The following CHRNA10 variants were observed in gnomAD, a reference collection of about 807,000 sequenced individuals.
CHRNA10 encodes cholinergic receptor nicotinic alpha 10 subunit.
A neutral mutation model predicts 36.0 loss-of-function variants in CHRNA10; 31 were observed. That is an observed-to-expected ratio of 0.86 (90% CI 0.65 to 1.16). CHRNA10 has a LOEUF of 1.16. Among genes scored for constraint, CHRNA10 ranks in the 50% most tolerant of loss-of-function variants. The pLI is 0.00. For missense variants in CHRNA10, 648 were observed against 640.9 expected (o/e 1.01, Z -0.12); for synonymous variants, 302 against 287.0 (o/e 1.05, Z -0.53).
chr11:3,667,325 C>T lies in CHRNA10; in HGVS notation c.802G>A (p.Val268Met). 3 of 1,599,976 alleles carry T rather than the reference C, an allele frequency of 1.9e-6. No homozygotes were observed. Among genetic ancestry groups the T allele is most frequent in the Non-Finnish European group, 2.5e-6 (3 of 1,178,198 alleles). The change falls in exon 4 of 5, where the codon GTG (valine) becomes ATG (methionine). Residue 268 changes from valine to methionine, a missense_variant. Coordinates refer to ENST00000250699, the MANE Select transcript of CHRNA10 (RefSeq NM_020402.4). ...AGCAGCACGGTGACGCCCAGCGACACCTTCTCGCCTGAGTCGGCAGGCAGG... is the reference window on the plus strand; with the variant it reads ...AGCAGCACGGTGACGCCCAGCGACATCTTCTCGCCTGAGTCGGCAGGCAGG... Reference protein sequence around the residue: ...FHLPADSGEKVSLGVTVLLAL... With the variant: ...FHLPADSGEKMSLGVTVLLAL...
At chr11:3,669,424 G>A (rs1359731835) in intron 2 of CHRNA10, 74 bp from the exon 3 acceptor site, 2 of 1,549,766 alleles carry the variant, frequency 1.3e-6, no homozygotes, top group Non-Finnish European at 1.8e-6. Context: ...ACACTCCCCT[G>A]CAGGGCTCTG....
intron 1 of CHRNA10, 72 bp from the exon 2 acceptor site, chr11:3,670,013 C>T: frequency 6.4e-7 from 1 of 1,561,594 alleles, no homozygotes; most frequent in Non-Finnish European, 8.8e-7. Context: ...CCCTCCACTC[C>T]CAGGGCTGGG....
Position 3,667,342 on chromosome 11 carries a change from G to T in CHRNA10, c.785C>A (p.Ala262Asp). The change falls in exon 4 of 5, where the codon GCC becomes GAC. Residue 262 changes from alanine (A) to aspartate (D), a missense_variant. By Grantham distance (126) the Ala-to-Asp change is moderately radical. Transcript: ENST00000250699. ...CAGCGACACCTTCTCGCCTGAGTCG[G>T]CAGGCAGGTGGAAGGCGAGCGGCGC... Reference protein sequence around the residue: ...LLAPLAFHLPADSGEKVSLGV... With the variant: ...LLAPLAFHLPDDSGEKVSLGV... 1 of 1,600,636 alleles carries T rather than the reference G, an allele frequency of 6.2e-7. No individual in the cohort carries two copies. The highest frequency in any genetic ancestry group is 8.5e-7 in the Non-Finnish European group (1 of 1,178,434).
In CHRNA10 at chr11:3,669,798, T is replaced by C. The variant is rs1423272551; in HGVS notation, c.205A>G (p.Met69Val). The part of the protein sequence containing the change: ...LEVTLSQIID[M>V]DERNQVLTLY... ...GCTGTACCACCACCACAACGCACCATGTCGATGATCTGGGACAGTGTCACC... is the reference window on the plus strand; with the variant it reads ...GCTGTACCACCACCACAACGCACCACGTCGATGATCTGGGACAGTGTCACC... The change falls in exon 2 of 5, where the codon ATG becomes GTG. Residue 69 changes from methionine to valine, a missense_variant and splice_region_variant. Met to Val is a conservative substitution (Grantham distance 21). Transcript: ENST00000250699. 6.2e-7 allele frequency: 1 copy of C among 1,614,064 alleles called. No homozygotes were observed. Among genetic ancestry groups the C allele is most frequent in the African/African-American group, 1.3e-5 (1 of 74,924 alleles).
In CHRNA10 at chr11:3,667,692, G is replaced by T. The variant is rs1355317825; in HGVS notation, c.435C>A (p.Asp145Glu). 1 of 1,572,308 alleles carries T rather than the reference G, an allele frequency of 6.4e-7. No homozygotes were observed. The highest frequency in any genetic ancestry group is 1.4e-5 in the African/African-American group (1 of 73,792). ...VLRHDGAVRW[D>E]APAITRSSCR... ...ACGAGCTGCGCGTGATGGCCGGCGC[G>T]TCCCAGCGCACGGCGCCATCGTGGC... Residue 145 changes from aspartate (D) to glutamate (E), a missense_variant, in exon 4 of 5, where the codon GAC becomes GAA. By Grantham distance (45) the Asp-to-Glu change is conservative. Coordinates refer to ENST00000250699, the MANE Select transcript of CHRNA10 (RefSeq NM_020402.4).
chr11:3,667,562 C>G lies in CHRNA10; in HGVS notation c.565G>C (p.Ala189Pro), dbSNP rs765657038. 9.0e-5 allele frequency: 140 copies of G among 1,564,068 alleles called. No homozygotes were observed. The highest frequency in any genetic ancestry group is 2.0e-4 in the Admixed American group (11 of 55,168). Residue 189 changes from alanine to proline, a missense_variant, in exon 4 of 5, where the codon GCT becomes CCT. Ala to Pro is a conservative substitution (Grantham distance 27, BLOSUM62 -1). Coordinates refer to ENST00000250699, the MANE Select transcript of CHRNA10 (RefSeq NM_020402.4). ...GHQLDVRPRG[A>P]AASLADFVEN... is the part of the protein sequence containing the mutation. ...ACGAAGTCCGCCAGGCTGGCTGCAG[C>G]GCCGCGCGGCCGCACATCCAGTTGG...
intron 1 of CHRNA10, among the ~76,000 whole-genome samples, chr11:3,670,248 A>C (rs1192500830): frequency 1.3e-5 from 2 of 152,180 alleles, no homozygotes; most frequent in African/African-American, 4.8e-5. Context: ...CAAATAAGCC[A>C]CAAGAGTCCA....
rs1455913362 is a variant in CHRNA10 at position 3,667,440 on chromosome 11, C to T, written c.687G>A (p.Thr229=). Residue 229 remains threonine (T), a synonymous_variant, in exon 4 of 5, where the codon ACG becomes ACA. Coordinates refer to ENST00000250699, the MANE Select transcript of CHRNA10 (RefSeq NM_020402.4). ...CSEPYPDVTF[T]LLLRRRAAAY... ...CGGCGGCGCGGCGGCGCAGCAGCAG[C>T]GTGAAGGTGACGTCGGGGTAGGGCT... 2 of 1,595,928 alleles carry T rather than the reference C, an allele frequency of 1.3e-6. No individual in the cohort carries two copies. The highest frequency in any genetic ancestry group is 2.2e-5 in the East Asian group (1 of 44,524).
chr11:3,669,651 C>A, intron 2 of CHRNA10, 145 bp downstream of exon 2: 1 of 1,130,962 alleles, frequency 8.8e-7, no homozygotes, highest in Non-Finnish European at 1.3e-6. Context: ...ACAGTCAGTA[C>A]CCAACAGTTT....
intron 1 of CHRNA10, 28 bp downstream of exon 1, chr11:3,671,224 G>A: frequency 6.2e-7 from 1 of 1,610,778 alleles, no homozygotes; most frequent in Non-Finnish European, 8.5e-7. Flanking sequence ...ACCAGGAGAG[G>A]CCAGGGCTGG....
intron 1 of CHRNA10, 101 bp from the exon 2 acceptor site, chr11:3,670,042 T>C: frequency 1.5e-6 from 2 of 1,314,512 alleles, no homozygotes; most frequent in Middle Eastern, 2.2e-4. Flanking sequence ...CTTATGAGTG[T>C]CCTCCTGGTG....
At chr11:3,669,159 A>T in intron 3 of CHRNA10, 37 bp downstream of exon 3, 1 of 1,591,304 alleles carries the variant, frequency 6.3e-7, no homozygotes, top group Non-Finnish European at 8.6e-7. Context: ...AAGTCTAGAG[A>T]GGGGTAAGAG....
rs1198739946 is a variant in CHRNA10, at chr11:3,671,348, G to A, written c.-36C>T. 3 of 1,610,898 alleles carry A rather than the reference G, an allele frequency of 1.9e-6. No homozygotes were observed. The South Asian group carries it at 3.3e-5, about 18-fold the overall frequency. On this transcript the variant is annotated 5_prime_UTR_variant, in exon 1 of 5. Coordinates refer to ENST00000250699, the MANE Select transcript of CHRNA10 (RefSeq NM_020402.4). ...CTGCAAGAGCGGGGGCAGGTCTCTG[G>A]ATGTGAGGCCTCCTGGCCAGACCTA... is the stretch of plus-strand genomic sequence containing the variant.
chr11:3,666,670 C>T, intron 4 of CHRNA10, 106 bp from the exon 5 acceptor site: 1 of 839,000 alleles, frequency 1.2e-6, no homozygotes, highest in Non-Finnish European at 1.8e-6. Flanking sequence ...TGAAGCTCTC[C>T]AGACCCTCCA....
In CHRNA10 at chr11:3,665,960, T is replaced by C. The variant is rs1254166294; in HGVS notation, c.*147A>G. ...GGGTGTGTAGACAATGAGTGCTCCC[T>C]TGTGGATTGTGAAGTCAAGTGTCTC... On this transcript the variant is annotated 3_prime_UTR_variant, in exon 5 of 5. Transcript: ENST00000250699. The C allele has an allele frequency of 3.9e-5, 26 of 658,528 alleles. No homozygotes were observed. The highest frequency in any genetic ancestry group is 5.8e-5 in the Non-Finnish European group (23 of 398,320). The allele number at this position is 658,528 out of a possible 1,614,324, so 40.8% of individuals were successfully genotyped here.
At position 3,667,627 on chromosome 11, in the gene CHRNA10, T is replaced by A; in HGVS notation, c.500A>T (p.His167Leu). ...CCAGGAGCCGAACGTCAGGCCGCAG[T>A]GCTGGGCGTCGAACGGGAAGGCTGC... ...DVAAFPFDAQ[H>L]CGLTFGSWTH... is the part of the protein sequence containing the mutation. Residue 167 changes from histidine (H) to leucine (L), a missense_variant, in exon 4 of 5, where the codon CAC becomes CTC. His to Leu is a moderately conservative substitution (Grantham distance 99, BLOSUM62 -3). Transcript: ENST00000250699. 6.4e-7 allele frequency: 1 copy of A among 1,557,478 alleles called. No individual in the cohort carries two copies. Among genetic ancestry groups the A allele is most frequent in the Non-Finnish European group, 8.6e-7 (1 of 1,156,240 alleles).
Position 3,669,804 on chromosome 11 carries a change from T to G in CHRNA10, c.199A>C (p.Ile67Leu), listed in dbSNP as rs760706110. ...CCACCACCACAACGCACCATGTCGA[T>G]GATCTGGGACAGTGTCACCTCCAGG... ...VTLEVTLSQI[I>L]DMDERNQVLT... The change falls in exon 2 of 5, where the codon ATC becomes CTC. Residue 67 changes from isoleucine to leucine, a missense_variant. Ile to Leu is a conservative substitution (Grantham distance 5, BLOSUM62 2). Coordinates refer to ENST00000250699, the MANE Select transcript of CHRNA10 (RefSeq NM_020402.4). 6.8e-6 allele frequency: 11 copies of G among 1,614,086 alleles called. No homozygotes were observed. The East Asian group carries it at 2.4e-4, about 36-fold the overall frequency.
At position 3,666,178 on chromosome 11, in the gene CHRNA10, G is replaced by A. The variant is rs774909172; in HGVS notation, c.1282C>T (p.Arg428Cys). ...DWKRLARVMD[R>C]FFLAIFFSMA... is the part of the protein sequence containing the mutation. ...GAGAAGAAGATGGCCAGGAAGAAGC[G>A]GTCCATCACACGGGCCAGGCGCTTC... The change falls in exon 5 of 5, where the codon CGC becomes TGC. Residue 428 changes from arginine (R) to cysteine (C), a missense_variant. Coordinates refer to ENST00000250699, the MANE Select transcript of CHRNA10 (RefSeq NM_020402.4). 12 of 1,610,904 alleles carry A rather than the reference G, an allele frequency of 7.4e-6. No individual in the cohort carries two copies. Among genetic ancestry groups the A allele is most frequent in the Middle Eastern group, 1.7e-4 (1 of 6,054 alleles).
chr11:3,671,141 G>T, intron 1 of CHRNA10, 111 bp downstream of exon 1: 1 of 1,139,410 alleles, frequency 8.8e-7, no homozygotes, highest in Non-Finnish European at 1.3e-6. Context: ...CTTGTTCTCA[G>T]AACAGGTACT....
Sources: gnomAD v4.1 joint callset for allele counts (sites outside exome capture counted in the v4.1 genomes callset) on GRCh38, gnomAD v4.1.1 for gene constraint, MANE v1.5 for transcripts, NCBI Gene and HGNC (gene_info 2026-07-23, HGNC 2026-07-21) for gene names.